VPS13B: variants seen among roughly 807,000 people sequenced by gnomAD.
The protein encoded by VPS13B is intermembrane lipid transfer protein VPS13B.
In VPS13B, 285 loss-of-function variants were observed where a neutral mutation model predicts 426.4. That is an observed-to-expected ratio of 0.67 (90% CI 0.61 to 0.74). VPS13B has a LOEUF of 0.74. VPS13B is among the 30% of genes least tolerant of loss of function. The pLI, the probability that VPS13B is intolerant of heterozygous loss-of-function variation, is 0.00. For synonymous variants in VPS13B, 1,676 were observed against 1,676.4 expected (o/e 1.00, Z 0.01); for missense variants, 4,537 against 4,782.6 (o/e 0.95, Z 1.51).
chr8:99,564,529 G>A (rs775036678), intron 31 of VPS13B, among the ~76,000 whole-genome samples: 8 of 152,134 alleles, frequency 5.3e-5, no homozygotes, highest in South Asian at 2.1e-4. Context: ...TGTTCAGCAG[G>A]GTCAAGAGTC....
chr8:99,073,468 A>G (rs1239591740), intron 3 of VPS13B, among the ~76,000 whole-genome samples: 3 of 151,882 alleles, frequency 2.0e-5, no homozygotes, highest in East Asian at 1.9e-4. Context: ...TTATTCTTAG[A>G]TATTTAATTT....
chr8:99,834,426 G>A (rs754908494), intron 52 of VPS13B, among the ~76,000 whole-genome samples: 10 of 152,018 alleles, frequency 6.6e-5, no homozygotes, highest in Non-Finnish European at 1.3e-4. Context: ...AAGGTGTGAT[G>A]GGCTTGTGGA....
chr8:99,642,828 T>C (rs377607361), intron 34 of VPS13B, among the ~76,000 whole-genome samples: 2 of 152,194 alleles, frequency 1.3e-5, no homozygotes, highest in South Asian at 2.1e-4. Flanking sequence ...GGCCCATAGG[T>C]ATGCTTTCCA....
In VPS13B at chr8:99,558,208, T is replaced by C. The variant is rs1467285090; in HGVS notation, c.4949+1555T>C. ...CAATAATCCTACCAGGTAATAACTG[T>C]TATTTTCCCTAATTATACATGAAGA... On this transcript the variant is annotated intron_variant, in intron 31 of 61. Coordinates refer to ENST00000357162, the MANE Select transcript of VPS13B (RefSeq NM_152564.5). Among the ~76,000 whole-genome samples, 3 of 152,280 alleles carry C rather than the reference T, an allele frequency of 2.0e-5. No individual in the cohort carries two copies. In the East Asian group the frequency reaches 5.8e-4, roughly 29 times the overall value.
chr8:99,294,593 T>G (rs1287346445), intron 19 of VPS13B, among the ~76,000 whole-genome samples: 1 of 152,034 alleles, frequency 6.6e-6, no homozygotes, highest in Non-Finnish European at 1.5e-5. Flanking sequence ...CATGGAGTGA[T>G]ATGGCATAGC....
intron 17 of VPS13B, among the ~76,000 whole-genome samples, chr8:99,200,373 GT>G (rs548657461): frequency 4.6e-5 from 7 of 150,928 alleles, no homozygotes; most frequent in South Asian, 4.2e-4. Context: ...TCAAGTACAG[GT>G]TTTTTTTTGT....
At chr8:99,507,811 T>C (rs1434224446) in intron 28 of VPS13B, 1 of 1,613,964 alleles carries the variant, frequency 6.2e-7, no homozygotes, top group Non-Finnish European at 8.5e-7. Flanking sequence ...TGTGGAGGTG[T>C]CTTCCTTTCC....
intron 19 of VPS13B, among the ~76,000 whole-genome samples, chr8:99,360,238 CTCTCCTTCCT>C (rs1385053281): frequency 0.012 from 1,130 of 95,114 alleles, 90 homozygotes; most frequent in Non-Finnish European, 0.014. Flanking sequence ...TTCTTTCTCT[CTCTCCTTCCT>C]TCCTTCCTTC....
At chr8:99,285,076 A>G (rs888990859) in intron 19 of VPS13B, among the ~76,000 whole-genome samples, 4 of 152,186 alleles carry the variant, frequency 2.6e-5, no homozygotes, top group African/African-American at 9.7e-5. Context: ...CCTTAATCTC[A>G]ACATCCCAGT....
intron 35 of VPS13B, among the ~76,000 whole-genome samples, chr8:99,684,104 C>T (rs1403082467): frequency 1.3e-5 from 2 of 152,098 alleles, no homozygotes; most frequent in Admixed American, 1.3e-4. Context: ...TTGTTGTAAA[C>T]TGTTAATATT....
intron 36 of VPS13B, among the ~76,000 whole-genome samples, chr8:99,710,792 C>A (rs899531617): frequency 1.3e-5 from 2 of 149,858 alleles, no homozygotes; most frequent in African/African-American, 4.9e-5. Context: ...GGGTTGGAGA[C>A]CAGCCTGACC....
intron 33 of VPS13B, among the ~76,000 whole-genome samples, chr8:99,592,484 C>A (rs919806437): frequency 1.3e-4 from 19 of 151,962 alleles, no homozygotes; most frequent in African/African-American, 4.3e-4. Flanking sequence ...ATGCTGGCGA[C>A]CTACAGATGG....
chr8:99,043,683 A>G (rs1843073414), intron 3 of VPS13B, among the ~76,000 whole-genome samples: 1 of 151,812 alleles, frequency 6.6e-6, no homozygotes, highest in Non-Finnish European at 1.5e-5. Flanking sequence ...CCTGGTTCAC[A>G]GACTTTTTTT....
intron 15 of VPS13B, among the ~76,000 whole-genome samples, chr8:99,158,555 T>C (rs902260429): frequency 6.6e-6 from 1 of 152,164 alleles, no homozygotes; most frequent in African/African-American, 2.4e-5. Flanking sequence ...CTAATGTACC[T>C]GGTGACTTCT....
At chr8:99,148,843 A>G (rs1402687474) in intron 14 of VPS13B, among the ~76,000 whole-genome samples, 1 of 152,270 alleles carries the variant, frequency 6.6e-6, no homozygotes, top group Admixed American at 6.5e-5. Context: ...CCTGTTGGCA[A>G]CAATTCAGTT....
intron 30 of VPS13B, among the ~76,000 whole-genome samples, chr8:99,546,457 G>A (rs902013302): frequency 3.3e-5 from 5 of 151,862 alleles, no homozygotes; most frequent in African/African-American, 1.2e-4. Flanking sequence ...GCGACAAGAG[G>A]GGACTGAATT....
At position 99,551,526 on chromosome 8, in the gene VPS13B, GCTTT is replaced by G. The variant is rs925428802; in HGVS notation, c.4746-4921_4746-4918del. On this transcript the variant is annotated intron_variant, in intron 30 of 61. Transcript: ENST00000357162. The stretch of plus-strand genomic sequence containing the variant: ...TTTTATTTGTATCTTCTTCTTAGGT[GCTTT>G]CTACTTGCCCAACTTTGGTTTTTCA... Among the ~76,000 whole-genome samples the G allele has an allele frequency of 5.1e-4, 77 of 151,864 alleles. 1 individual carries two copies. The highest frequency in any genetic ancestry group is 3.4e-3 in the Middle Eastern group (1 of 294).
At chr8:99,870,725 C>G in intron 59 of VPS13B, 60 bp from the exon 60 acceptor site, 1 of 1,482,724 alleles carries the variant, frequency 6.7e-7, no homozygotes. Context: ...GACATCATTG[C>G]AGCATGAAAC....
intron 8 of VPS13B, among the ~76,000 whole-genome samples, chr8:99,132,075 T>C (rs528623404): frequency 6.6e-6 from 1 of 152,232 alleles, no homozygotes; most frequent in African/African-American, 2.4e-5. Flanking sequence ...TTTTGTATTT[T>C]TGGTAGAGAT....
Sources: gnomAD v4.1 joint callset for allele counts (sites outside exome capture counted in the v4.1 genomes callset) on GRCh38, gnomAD v4.1.1 for gene constraint, MANE v1.5 for transcripts, NCBI Gene and HGNC (gene_info 2026-07-23, HGNC 2026-07-21) for gene names.